RALYL: variants seen among roughly 807,000 people sequenced by gnomAD.
RALYL encodes the protein RALY RNA binding protein like.
In RALYL, 29 loss-of-function variants were observed where a neutral mutation model predicts 35.1. That is an observed-to-expected ratio of 0.83 (90% CI 0.61 to 1.13). The LOEUF (loss-of-function observed/expected upper bound fraction) is 1.13, where lower values mean the gene tolerates loss of function less well. Among genes scored for constraint, RALYL ranks in the 50% most tolerant of loss-of-function variants. The probability of loss-of-function intolerance (pLI) is 0.00; values close to 1 mark genes in which losing one functional copy is unlikely to be tolerated. For missense variants in RALYL, 359 were observed against 360.4 expected (o/e 1.00, Z 0.03); for synonymous variants, 120 against 127.6 (o/e 0.94, Z 0.40).
At chr8:84,362,213 A>C (rs763722237) in intron 1 of RALYL, among the ~76,000 whole-genome samples, 5 of 152,160 alleles carry the variant, frequency 3.3e-5, no homozygotes, top group African/African-American at 4.8e-5. Context: ...GTAGTTCATT[A>C]GTTCTTAAAT....
intron 2 of RALYL, among the ~76,000 whole-genome samples, chr8:84,765,223 C>CT (rs1399134706): frequency 1.3e-5 from 2 of 152,270 alleles, no homozygotes; most frequent in Non-Finnish European, 2.9e-5. Flanking sequence ...GAGTGCATTG[C>CT]TTTACAGGCT....
intron 1 of RALYL, among the ~76,000 whole-genome samples, chr8:84,453,870 C>G (rs558981629): frequency 1.3e-5 from 2 of 152,060 alleles, no homozygotes; most frequent in East Asian, 1.9e-4. Context: ...TAAGTGGAAG[C>G]AAAATGTTGC....
intron 1 of RALYL, among the ~76,000 whole-genome samples, chr8:84,366,842 C>CACA (rs1241010438): frequency 6.8e-6 from 1 of 146,314 alleles, no homozygotes; most frequent in Non-Finnish European, 1.5e-5. Flanking sequence ...GTGCTGTTCA[C>CACA]ACAATATACA....
chr8:84,254,912 C>T (rs982653143), intron 1 of RALYL, among the ~76,000 whole-genome samples: 5 of 151,880 alleles, frequency 3.3e-5, no homozygotes, highest in Non-Finnish European at 7.4e-5. Context: ...ATCATAAAAC[C>T]ATCAGATGTC....
At chr8:84,626,721 T>C (rs1287996272) in intron 2 of RALYL, among the ~76,000 whole-genome samples, 2 of 152,180 alleles carry the variant, frequency 1.3e-5, no homozygotes, top group Non-Finnish European at 2.9e-5. Context: ...TAAGTCTGAA[T>C]CAAATTTGGA....
intron 4 of RALYL, among the ~76,000 whole-genome samples, chr8:84,824,213 G>T (rs1381713986): frequency 6.6e-6 from 1 of 151,070 alleles, no homozygotes; most frequent in Non-Finnish European, 1.5e-5. Flanking sequence ...TACCAATAAT[G>T]TTCAATTTGA....
At chr8:84,438,899 G>A (rs1406541988) in intron 1 of RALYL, among the ~76,000 whole-genome samples, 2 of 151,772 alleles carry the variant, frequency 1.3e-5, no homozygotes, top group Non-Finnish European at 2.9e-5. Context: ...CTGTAGGTGT[G>A]CAGCTTTATT....
chr8:84,532,800 AT>A (rs2059359017), intron 2 of RALYL, among the ~76,000 whole-genome samples: 1 of 152,108 alleles, frequency 6.6e-6, no homozygotes. Context: ...ACCAGGAAAA[AT>A]TAAACACTCT....
At chr8:84,850,179 T>C (rs1414912400) in intron 5 of RALYL, among the ~76,000 whole-genome samples, 152 bp downstream of exon 5, 1 of 152,170 alleles carries the variant, frequency 6.6e-6, no homozygotes, top group Non-Finnish European at 1.5e-5. Flanking sequence ...AATATACAGA[T>C]TTTTATATTT....
chr8:84,474,732 G>A (rs2053191105), intron 1 of RALYL, among the ~76,000 whole-genome samples: 1 of 152,134 alleles, frequency 6.6e-6, no homozygotes, highest in South Asian at 2.1e-4. Context: ...TTTCTGCTAA[G>A]AAACTTGGAT....
At chr8:84,534,415 T>A (rs968260720) in intron 2 of RALYL, among the ~76,000 whole-genome samples, 7 of 152,368 alleles carry the variant, frequency 4.6e-5, no homozygotes, top group South Asian at 4.1e-4. Flanking sequence ...CTAGCAAGTA[T>A]CTTCTTTTCA....
intron 2 of RALYL, among the ~76,000 whole-genome samples, chr8:84,617,954 T>C (rs1303649051): frequency 6.6e-6 from 1 of 151,856 alleles, no homozygotes; most frequent in Non-Finnish European, 1.5e-5. Flanking sequence ...CACTTGATCA[T>C]GGTGGATAAG....
chr8:84,370,134 T>C (rs16912718), intron 1 of RALYL, among the ~76,000 whole-genome samples: 4,502 of 152,208 alleles, frequency 0.03, 216 homozygotes, highest in African/African-American at 0.1. Context: ...TAAGGGCAGG[T>C]ATACAATTTT....
intron 1 of RALYL, among the ~76,000 whole-genome samples, chr8:84,480,480 G>A (rs778437937): frequency 3.3e-5 from 5 of 152,120 alleles, no homozygotes; most frequent in Non-Finnish European, 5.9e-5. Context: ...AGTGTTTTTG[G>A]TTTTGTAATT....
At chr8:84,883,697 A>G (rs1378814091) in intron 7 of RALYL, among the ~76,000 whole-genome samples, 1 of 152,048 alleles carries the variant, frequency 6.6e-6, no homozygotes, top group African/African-American at 2.4e-5. Flanking sequence ...TCAGTACTGG[A>G]CTATGCCTGT....
Position 84,921,778 on chromosome 8 carries a change from A to T in RALYL, c.*867A>T, listed in dbSNP as rs1425704223. Reference sequence around the variant, plus strand: ...TTGTGCTGTGGAAATGGAAGAAACCATCTTCACAGACCGTAGGAGAATTCA... The same window carrying T: ...TTGTGCTGTGGAAATGGAAGAAACCTTCTTCACAGACCGTAGGAGAATTCA... On this transcript the variant is annotated 3_prime_UTR_variant, in exon 9 of 9. Coordinates refer to ENST00000521268, the MANE Select transcript of RALYL (RefSeq NM_173848.7). 2 of 152,214 alleles carry T rather than the reference A, an allele frequency of 1.3e-5. No homozygotes were observed. The highest frequency in any genetic ancestry group is 3.8e-4 in the East Asian group (2 of 5,198). The allele number at this position is 152,214 out of a possible 1,614,324, so 9.4% of individuals were successfully genotyped here.
intron 1 of RALYL, among the ~76,000 whole-genome samples, chr8:84,478,625 A>T (rs2053681627): frequency 6.6e-6 from 1 of 152,070 alleles, no homozygotes; most frequent in Admixed American, 6.6e-5. Context: ...TGCTCCTCTA[A>T]TCTTAATAAA....
At chr8:84,777,998 T>C (rs1443471536) in intron 3 of RALYL, among the ~76,000 whole-genome samples, 1 of 152,152 alleles carries the variant, frequency 6.6e-6, no homozygotes, top group Non-Finnish European at 1.5e-5. Flanking sequence ...TACTCGGTCA[T>C]TCATTCATTC....
intron 1 of RALYL, among the ~76,000 whole-genome samples, chr8:84,268,621 G>A (rs1225885486): frequency 6.6e-6 from 1 of 152,158 alleles, no homozygotes; most frequent in East Asian, 1.9e-4. Flanking sequence ...CTACATTATA[G>A]TATAGCTACC....
Sources: allele counts gnomAD v4.1 joint callset (sites outside exome capture counted in the v4.1 genomes callset), GRCh38; gene constraint gnomAD v4.1.1; transcripts MANE v1.5; gene names NCBI Gene and HGNC (gene_info 2026-07-23, HGNC 2026-07-21).